SOX6: variants seen among roughly 807,000 people sequenced by gnomAD.
SOX6 encodes SRY-box transcription factor 6.
SOX6 carries 11 observed loss-of-function variants against 97.8 expected under a neutral mutation model. The ratio of observed to expected loss-of-function variants is 0.11; its 90% CI spans 0.07 to 0.19. SOX6 has a LOEUF of 0.19. Ranked by LOEUF, SOX6 falls within the 10% of genes least tolerant of loss-of-function variation. The probability of loss-of-function intolerance (pLI) is 1.00; values close to 1 mark genes in which losing one functional copy is unlikely to be tolerated. For missense variants in SOX6, 810 were observed against 1,039.5 expected (o/e 0.78, Z 3.04); for synonymous variants, 360 against 371.4 (o/e 0.97, Z 0.35).
chr11:16,586,677 A>C (rs1023226422), intron 4 of SOX6, among the ~76,000 whole-genome samples: 1 of 152,150 alleles, frequency 6.6e-6, no homozygotes, highest in Non-Finnish European at 1.5e-5. Flanking sequence ...CTGTAATCAC[A>C]CCACTGCACT....
At chr11:16,258,119 G>A (rs559279152) in intron 3 of SOX6, among the ~76,000 whole-genome samples, 15 of 146,414 alleles carry the variant, frequency 1.0e-4, no homozygotes, top group Non-Finnish European at 2.0e-4. Context: ...TCATGGAAAT[G>A]CAAAATAGTA....
chr11:16,561,769 A>G (rs1453986981), intron 4 of SOX6, among the ~76,000 whole-genome samples: 2 of 152,064 alleles, frequency 1.3e-5, no homozygotes, highest in Non-Finnish European at 2.9e-5. Context: ...TCACTCTGTC[A>G]CCCAGATTGG....
chr11:16,361,799 A>C (rs544350941), intron 1 of SOX6, among the ~76,000 whole-genome samples: 1 of 152,302 alleles, frequency 6.6e-6, no homozygotes, highest in Non-Finnish European at 1.5e-5. Flanking sequence ...AACTTTATTA[A>C]GCTGTTGCAA....
intron 1 of SOX6, among the ~76,000 whole-genome samples, chr11:16,422,722 G>A (rs1859043095): frequency 2.0e-5 from 3 of 152,132 alleles, no homozygotes; most frequent in Admixed American, 2.0e-4. Context: ...GCACAGGGCT[G>A]TAAACATCTA....
intron 4 of SOX6, among the ~76,000 whole-genome samples, chr11:16,513,687 T>A (rs745922450): frequency 1.1e-4 from 17 of 151,988 alleles, no homozygotes; most frequent in Non-Finnish European, 2.2e-4. Flanking sequence ...GGAAGAATCA[T>A]CTCCGCACAG....
At chr11:16,618,852 T>C (rs1219889855) in intron 3 of SOX6, among the ~76,000 whole-genome samples, 2 of 152,020 alleles carry the variant, frequency 1.3e-5, no homozygotes, top group Non-Finnish European at 2.9e-5. Context: ...ACAAAGATAA[T>C]AATAACACAG....
At chr11:16,160,091 G>A (rs1020796190) in intron 6 of SOX6, among the ~76,000 whole-genome samples, 1 of 152,116 alleles carries the variant, frequency 6.6e-6, no homozygotes, top group Non-Finnish European at 1.5e-5. Flanking sequence ...TGCAGATGGG[G>A]TTCTCTAAAA....
intron 1 of SOX6, among the ~76,000 whole-genome samples, chr11:16,429,960 C>T (rs761205360): frequency 3.3e-5 from 5 of 152,102 alleles, no homozygotes; most frequent in Non-Finnish European, 5.9e-5. Flanking sequence ...CACTTCACTT[C>T]GGTATGTTTT....
At chr11:16,350,744 C>T (rs1252089223) in intron 1 of SOX6, among the ~76,000 whole-genome samples, 1 of 152,112 alleles carries the variant, frequency 6.6e-6, no homozygotes. Flanking sequence ...AAGGAGAACT[C>T]ATTAAAATAT....
At chr11:16,406,371 ATTTAGC>A in intron 1 of SOX6, among the ~76,000 whole-genome samples, 1 of 152,230 alleles carries the variant, frequency 6.6e-6, no homozygotes, top group Middle Eastern at 3.4e-3. Flanking sequence ...ATAAGCATGT[ATTTAGC>A]TTATGCATCT....
chr11:16,031,648 T>C (rs1436315172), intron 12 of SOX6: 1 of 151,910 alleles, frequency 6.6e-6, no homozygotes, highest in Non-Finnish European at 1.5e-5. Flanking sequence ...AGAAAAATCA[T>C]CAATGATCAG....
chr11:15,998,806 GA>G (rs1268898702), intron 13 of SOX6, among the ~76,000 whole-genome samples: 1 of 151,884 alleles, frequency 6.6e-6, no homozygotes, highest in African/African-American at 2.4e-5. Flanking sequence ...AATCAAGAAA[GA>G]AAAAACTATA....
At chr11:16,179,832 A>T (rs767637013) in intron 6 of SOX6, among the ~76,000 whole-genome samples, 1 of 151,908 alleles carries the variant, frequency 6.6e-6, no homozygotes, top group Non-Finnish European at 1.5e-5. Flanking sequence ...GACACTGCCT[A>T]TATAGCTCAC....
chr11:16,731,223 G>A (rs747243060), intron 2 of SOX6, among the ~76,000 whole-genome samples: 4 of 152,082 alleles, frequency 2.6e-5, no homozygotes, highest in African/African-American at 4.8e-5. Flanking sequence ...GAAAAAGAGC[G>A]ACTCCTCCCT....
At position 16,666,351 on chromosome 11, in the gene SOX6, A is replaced by G. The variant is rs2134021784; in HGVS notation, n.429+48479T>C. Among the ~76,000 whole-genome samples the G allele has an allele frequency of 1.3e-5, 2 of 152,386 alleles. 1 individual carries two copies. The highest frequency in any genetic ancestry group is 6.8e-3 in the Middle Eastern group (2 of 294). On this transcript the variant is annotated intron_variant and non_coding_transcript_variant, in intron 3 of 5. Transcript: ENST00000524520. ...CAGAGAAGAAATTCAGAATCCTATC[A>G]GATGAATTTAACAAAAGATTGAAAT...
chr11:16,229,219 T>C (rs886280324), intron 4 of SOX6, among the ~76,000 whole-genome samples: 1 of 152,114 alleles, frequency 6.6e-6, no homozygotes, highest in Non-Finnish European at 1.5e-5. Context: ...GAAAATAATA[T>C]AAATGTTGAA....
intron 2 of SOX6, among the ~76,000 whole-genome samples, chr11:16,334,157 C>T (rs1030409246): frequency 6.6e-6 from 1 of 151,740 alleles, no homozygotes; most frequent in African/African-American, 2.4e-5. Context: ...TGACATGTGA[C>T]ACCTCCTTAA....
At chr11:16,145,468 C>T (rs932968085) in intron 6 of SOX6, among the ~76,000 whole-genome samples, 4 of 152,150 alleles carry the variant, frequency 2.6e-5, no homozygotes, top group African/African-American at 9.7e-5. Flanking sequence ...TCTCACCACT[C>T]CTATTCAACA....
intron 1 of SOX6, among the ~76,000 whole-genome samples, chr11:16,419,102 A>G (rs953372946): frequency 6.6e-6 from 1 of 152,174 alleles, no homozygotes; most frequent in Non-Finnish European, 1.5e-5. Flanking sequence ...TCACTTATCA[A>G]TCAATGCAAC....
Sources: gnomAD v4.1 joint callset for allele counts (sites outside exome capture counted in the v4.1 genomes callset) on GRCh38, gnomAD v4.1.1 for gene constraint, MANE v1.5 for transcripts, NCBI Gene and HGNC (gene_info 2026-07-23, HGNC 2026-07-21) for gene names.